DNAH5: variants seen among roughly 807,000 people sequenced by gnomAD.
DNAH5 encodes dynein axonemal heavy chain 5, also known as axonemal beta dynein heavy chain 5.
DNAH5 carries 372 observed loss-of-function variants against 518.2 expected under a neutral mutation model. That is an observed-to-expected ratio of 0.72 (90% CI 0.66 to 0.78). The LOEUF (loss-of-function observed/expected upper bound fraction) is 0.78. Ranked by LOEUF, DNAH5 falls within the 30% of genes least tolerant of loss-of-function variation. DNAH5 has a pLI of 0.00. For synonymous variants in DNAH5, 2,039 were observed against 2,025.9 expected (o/e 1.01, Z -0.17); for missense variants, 5,523 against 5,687.0 (o/e 0.97, Z 0.93).
chr5:13,902,231 A>G, intron 12 of DNAH5, 93 bp from the exon 13 acceptor site: 1 of 891,684 alleles, frequency 1.1e-6, no homozygotes, highest in Non-Finnish European at 1.8e-6. Context: ...GTGCAAACAC[A>G]TATAACATGG....
chr5:13,705,316 T>C (rs1484722803), intron 76 of DNAH5, among the ~76,000 whole-genome samples: 1 of 152,098 alleles, frequency 6.6e-6, no homozygotes, highest in East Asian at 1.9e-4. Context: ...TTCTTGAAAA[T>C]TGCTGAGAGT....
intron 1 of DNAH5, among the ~76,000 whole-genome samples, chr5:13,941,095 G>A (rs550314097): frequency 6.6e-6 from 1 of 152,214 alleles, no homozygotes; most frequent in African/African-American, 2.4e-5. Flanking sequence ...GCTCATGTCT[G>A]TTATCCCAGC....
rs558161142 is a variant in DNAH5 at position 13,843,247 on chromosome 5, G to GC, written c.5272-1344dup. ...AATGGCTTCTTACATTGATTTCCTTGCCCCCTTTCATTCCGCCTCCTACAC... is the reference window on the plus strand; with the variant it reads ...AATGGCTTCTTACATTGATTTCCTTGCCCCCCTTTCATTCCGCCTCCTACAC... On this transcript the variant is annotated intron_variant, in intron 32 of 78. Transcript: ENST00000265104. Among the ~76,000 whole-genome samples the GC allele has an allele frequency of 3.3e-5, 5 of 152,022 alleles. No individual in the cohort carries two copies. The South Asian group carries it at 6.2e-4, about 19-fold the overall frequency.
chr5:13,905,718 T>A (rs1775201001), intron 12 of DNAH5, among the ~76,000 whole-genome samples: 2 of 152,154 alleles, frequency 1.3e-5, no homozygotes, highest in South Asian at 4.1e-4. Flanking sequence ...GTTTGATGGA[T>A]TCTTATAAAA....
chr5:13,842,602 T>C (rs10042364), intron 32 of DNAH5, among the ~76,000 whole-genome samples: 60,855 of 151,678 alleles, frequency 0.4, 12,606 homozygotes, highest in East Asian at 0.61. Flanking sequence ...ATTTTTAAAA[T>C]CTCTAAAGTT....
At chr5:13,738,024 C>G (rs1561144494) in intron 65 of DNAH5, among the ~76,000 whole-genome samples, 4 of 150,484 alleles carry the variant, frequency 2.7e-5, no homozygotes, top group Admixed American at 2.7e-4. Context: ...GATCATGCAA[C>G]TGCACTCCAG....
chr5:13,776,855 C>T (rs899622246), intron 54 of DNAH5, 149 bp from the exon 55 acceptor site: 39 of 883,874 alleles, frequency 4.4e-5, no homozygotes, highest in East Asian at 2.9e-4. Flanking sequence ...AAATACACTA[C>T]GTTTTAAAAT....
intron 45 of DNAH5, 53 bp from the exon 46 acceptor site, chr5:13,809,239 C>A (rs551971090): frequency 6.3e-7 from 1 of 1,599,648 alleles, no homozygotes; most frequent in Non-Finnish European, 8.6e-7. Flanking sequence ...CAACTCCGAA[C>A]TGTAATGAGC....
At chr5:13,726,908 C>T (rs10866502) in intron 70 of DNAH5, among the ~76,000 whole-genome samples, 90,636 of 151,552 alleles carry the variant, frequency 0.6, 27,144 homozygotes, top group East Asian at 0.62. Flanking sequence ...GACACAAGTC[C>T]TTTTAGTGGG....
chr5:13,826,448 TG>T (rs1242212668), intron 38 of DNAH5, among the ~76,000 whole-genome samples: 2 of 152,164 alleles, frequency 1.3e-5, no homozygotes, highest in Non-Finnish European at 2.9e-5. Flanking sequence ...AGGGACCAGG[TG>T]GAGGTAATGA....
At chr5:14,008,466 T>C (rs1399269351) in intron 1 of DNAH5, among the ~76,000 whole-genome samples, 1 of 151,572 alleles carries the variant, frequency 6.6e-6, no homozygotes, top group South Asian at 2.1e-4. Context: ...CTACTAAAAA[T>C]ACAAAAAAGT....
intron 76 of DNAH5, among the ~76,000 whole-genome samples, chr5:13,705,661 G>A (rs893549162): frequency 3.3e-5 from 5 of 152,080 alleles, no homozygotes; most frequent in Non-Finnish European, 5.9e-5. Context: ...ACCTAACAAC[G>A]TGATCTTATG....
intron 30 of DNAH5, 52 bp downstream of exon 30, chr5:13,859,400 C>T (rs867687903): frequency 9.7e-5 from 156 of 1,606,024 alleles, no homozygotes; most frequent in Non-Finnish European, 1.3e-4. Context: ...GGTAATCGCT[C>T]TGAGAGCTTT....
intron 30 of DNAH5, among the ~76,000 whole-genome samples, chr5:13,854,047 G>A (rs928165754): frequency 6.6e-6 from 1 of 152,046 alleles, no homozygotes; most frequent in Non-Finnish European, 1.5e-5. Context: ...TCCTCAAGAA[G>A]AGCAACCCCA....
chr5:13,901,237 A>G lies in DNAH5; in HGVS notation c.2052+15T>C, dbSNP rs575438906. The stretch of plus-strand genomic sequence containing the variant: ...TGATTCCAACAATGGGAAGAGTATA[A>G]ATTTAGGGACTCACTTGCCGAAGCC... On this transcript the variant is annotated intron_variant, in intron 14 of 78. Coordinates refer to ENST00000265104, the MANE Select transcript of DNAH5 (RefSeq NM_001369.3). The G allele has an allele frequency of 1.5e-5, 24 of 1,611,626 alleles. No individual in the cohort carries two copies. Among genetic ancestry groups the G allele is most frequent in the Non-Finnish European group, 2.0e-5 (24 of 1,179,716 alleles).
chr5:13,756,101 A>C (rs917515867), intron 61 of DNAH5, among the ~76,000 whole-genome samples: 2 of 152,194 alleles, frequency 1.3e-5, no homozygotes, highest in African/African-American at 4.8e-5. Context: ...CTGGCTCTCC[A>C]GCAGGCCTAG....
intron 44 of DNAH5, chr5:13,810,521 A>T: frequency 2.2e-6 from 1 of 445,894 alleles, no homozygotes; most frequent in Non-Finnish European, 4.0e-6. Flanking sequence ...CGGGCGGATC[A>T]TGAGGTCAGG....
chr5:14,011,458 C>T (rs1396741564), intron 1 of DNAH5, among the ~76,000 whole-genome samples: 1 of 152,196 alleles, frequency 6.6e-6, no homozygotes, highest in Non-Finnish European at 1.5e-5. Flanking sequence ...AAACAGCAAT[C>T]CCAGCCCTAA....
chr5:13,866,002 G>A, intron 26 of DNAH5, 96 bp from the exon 27 acceptor site: 1 of 977,248 alleles, frequency 1.0e-6, no homozygotes, highest in Non-Finnish European at 1.6e-6. Flanking sequence ...AGCCAGAGAT[G>A]TATGATCTCT....
Sources: gnomAD v4.1 joint callset for allele counts (sites outside exome capture counted in the v4.1 genomes callset) on GRCh38, gnomAD v4.1.1 for gene constraint, MANE v1.5 for transcripts, NCBI Gene and HGNC (gene_info 2026-07-23, HGNC 2026-07-21) for gene names.